The following EHD4 variants were observed in gnomAD, a reference collection of about 807,000 sequenced individuals.
The protein encoded by EHD4 is EH domain containing 4.
Under a neutral mutation model 51.0 loss-of-function variants are expected in EHD4, and 37 were observed. The observed-to-expected ratio is 0.73, with a 90% CI of 0.56 to 0.95. The LOEUF (loss-of-function observed/expected upper bound fraction) is 0.95. Among genes scored for constraint, EHD4 ranks in the 40% least tolerant of loss-of-function variants. The pLI is 0.00. For synonymous variants in EHD4, 297 were observed against 317.3 expected (o/e 0.94, Z 0.68); for missense variants, 632 against 733.1 (o/e 0.86, Z 1.59).
At position 41,930,343 on chromosome 15, in the gene EHD4, G is replaced by A. The variant is rs576859598; in HGVS notation, c.512-10721C>T. ...CATACAATATGTCTATAAATCAGACGGAGTTGGCGTGGCAAACATTACTTG... is the reference window on the plus strand; with the variant it reads ...CATACAATATGTCTATAAATCAGACAGAGTTGGCGTGGCAAACATTACTTG... On this transcript the variant is annotated intron_variant, in intron 3 of 5. Transcript: ENST00000220325. Among the ~76,000 whole-genome samples, 10 of 152,262 alleles carry A rather than the reference G, an allele frequency of 6.6e-5. No individual in the cohort carries two copies. In the East Asian group the frequency reaches 1.9e-3, roughly 29 times the overall value.
At chr15:41,916,402 C>T (rs549257077) in intron 4 of EHD4, among the ~76,000 whole-genome samples, 11 of 152,222 alleles carry the variant, frequency 7.2e-5, no homozygotes, top group African/African-American at 2.2e-4. Context: ...TCTGAGCTTC[C>T]GTTCCCTCAG....
In EHD4 at chr15:41,909,783, G is replaced by T. The variant is rs751481417; in HGVS notation, c.1005C>A (p.Ile335=). Residue 335 remains isoleucine, a synonymous_variant, in exon 5 of 6, where the codon ATC becomes ATA. Coordinates refer to ENST00000220325, the MANE Select transcript of EHD4 (RefSeq NM_139265.4). ...FGKENKKREL[I]SRLPEIYIQL... is the part of the protein sequence containing the mutation. The stretch of plus-strand genomic sequence containing the variant: ...GAATGTAGATTTCCGGTAGCCTGCT[G>T]ATAAGCTCTCTCTTCTTGTTTTCCT... 1.2e-6 allele frequency: 2 copies of T among 1,614,118 alleles called. No homozygotes were observed. Among genetic ancestry groups the T allele is most frequent in the Non-Finnish European group, 1.7e-6 (2 of 1,180,062 alleles).
intron 1 of EHD4, among the ~76,000 whole-genome samples, chr15:41,961,230 G>T (rs1204722756): frequency 6.6e-6 from 1 of 152,206 alleles, no homozygotes; most frequent in Admixed American, 6.5e-5. Context: ...AAAGCACACT[G>T]CTGTCTACCC....
chr15:41,915,172 T>C (rs561753915), intron 4 of EHD4, among the ~76,000 whole-genome samples: 92 of 152,262 alleles, frequency 6.0e-4, no homozygotes, highest in African/African-American at 2.1e-3. Flanking sequence ...TACATTCATA[T>C]ACATTTAAAA....
chr15:41,943,232 C>A, intron 2 of EHD4, 68 bp from the exon 3 acceptor site: 1 of 1,261,400 alleles, frequency 7.9e-7, no homozygotes, highest in Non-Finnish European at 1.1e-6. Flanking sequence ...CATGGGGCTT[C>A]TTGGCCTCTC....
intron 2 of EHD4, among the ~76,000 whole-genome samples, chr15:41,945,022 C>A (rs1395147075): frequency 6.6e-6 from 1 of 152,142 alleles, no homozygotes; most frequent in African/African-American, 2.4e-5. Context: ...TGCCATTATT[C>A]AATTCTCTAG....
chr15:41,924,092 T>C (rs2067645584), intron 3 of EHD4, among the ~76,000 whole-genome samples: 1 of 152,238 alleles, frequency 6.6e-6, no homozygotes. Context: ...ATTGAGACTT[T>C]GTTAACTTTC....
At chr15:41,948,315 C>G (rs1303469709) in intron 2 of EHD4, among the ~76,000 whole-genome samples, 1 of 151,890 alleles carries the variant, frequency 6.6e-6, no homozygotes, top group African/African-American at 2.4e-5. Context: ...CACCACAAAT[C>G]TTTTTTATTA....
At chr15:41,919,665 G>A in intron 3 of EHD4, 43 bp from the exon 4 acceptor site, 2 of 1,480,440 alleles carry the variant, frequency 1.4e-6, no homozygotes, top group Non-Finnish European at 1.8e-6. Flanking sequence ...ACTGCTGCAG[G>A]AGACACGTTT....
chr15:41,950,105 T>G (rs1253209404), intron 2 of EHD4, among the ~76,000 whole-genome samples: 1 of 152,240 alleles, frequency 6.6e-6, no homozygotes, highest in Non-Finnish European at 1.5e-5. Context: ...TGTTCTAAAC[T>G]CCTTTTATTG....
rs536151153 is a variant in EHD4, at chr15:41,950,269, C to T, written c.413+3495G>A. On this transcript the variant is annotated intron_variant, in intron 2 of 5. Coordinates refer to ENST00000220325, the MANE Select transcript of EHD4 (RefSeq NM_139265.4). ...TTGCTTAATGGTGGAGGGTGTTGTC[C>T]CCCTCCAGGTATCACCTGGTACTTA... Among the ~76,000 whole-genome samples, 3 of 152,298 alleles carry T rather than the reference C, an allele frequency of 2.0e-5. No homozygotes were observed. In the South Asian group the frequency reaches 6.2e-4, roughly 32 times the overall value.
chr15:41,951,937 AC>A, intron 2 of EHD4, among the ~76,000 whole-genome samples: 1 of 152,294 alleles, frequency 6.6e-6, no homozygotes, highest in Admixed American at 6.5e-5. Context: ...TGTTCCTATC[AC>A]CATCAGTAAT....
In EHD4 at chr15:41,919,266, G is replaced by C. The variant is rs376774893; in HGVS notation, c.868C>G (p.Gln290Glu). The change falls in exon 4 of 6, where the codon CAG becomes GAG. Residue 290 changes from glutamine to glutamate, a missense_variant. Gln to Glu is a conservative substitution (Grantham distance 29). Transcript: ENST00000220325. ...TTGAGCTTGCGCACCGCTGCCTTCTGGGGGAGGCTCTGGATGTCTCTAAAG... is the reference window on the plus strand; with the variant it reads ...TTGAGCTTGCGCACCGCTGCCTTCTCGGGGAGGCTCTGGATGTCTCTAAAG... ...DLFRDIQSLP[Q>E]KAAVRKLNDL... 8 of 1,614,098 alleles carry C rather than the reference G, an allele frequency of 5.0e-6. No homozygotes were observed. Among genetic ancestry groups the C allele is most frequent in the South Asian group, 3.3e-5 (3 of 91,082 alleles).
At chr15:41,926,647 G>GT (rs2067663717) in intron 3 of EHD4, among the ~76,000 whole-genome samples, 1 of 152,180 alleles carries the variant, frequency 6.6e-6, no homozygotes, top group Non-Finnish European at 1.5e-5. Context: ...CTCCAAAACT[G>GT]TGAGTGTCCC....
rs548302252 is a variant in EHD4 at position 41,960,045 on chromosome 15, A to T, written c.237-6105T>A. Among the ~76,000 whole-genome samples, 115 of 152,232 alleles carry T rather than the reference A, an allele frequency of 7.6e-4. 1 individual carries two copies. The highest frequency in any genetic ancestry group is 2.1e-3 in the Admixed American group (32 of 15,284). ...GGAAAAGTAAGTGGGAGAATCAAGC[A>T]TTTATTACTTCCAAAGTCTTACAAG... On this transcript the variant is annotated intron_variant, in intron 1 of 5. Coordinates refer to ENST00000220325, the MANE Select transcript of EHD4 (RefSeq NM_139265.4).
At chr15:41,972,192 C>T (rs929465796) in intron 1 of EHD4, 67 bp downstream of exon 1, 1 of 1,276,496 alleles carries the variant, frequency 7.8e-7, no homozygotes, top group Non-Finnish European at 9.9e-7. Flanking sequence ...CGGGAGGCGG[C>T]CGACTGCGGC....
At chr15:41,933,574 C>T (rs2140995123) in intron 3 of EHD4, among the ~76,000 whole-genome samples, 1 of 152,250 alleles carries the variant, frequency 6.6e-6, no homozygotes, top group South Asian at 2.1e-4. Context: ...CATGGATTGC[C>T]ACTGCCTCTC....
chr15:41,956,917 C>T (rs532495284), intron 1 of EHD4, among the ~76,000 whole-genome samples: 2 of 152,288 alleles, frequency 1.3e-5, no homozygotes, highest in South Asian at 4.1e-4. Context: ...TTTGAAAACT[C>T]GGAATCATCA....
intron 4 of EHD4, among the ~76,000 whole-genome samples, chr15:41,914,937 C>T (rs966912496): frequency 1.3e-5 from 2 of 152,084 alleles, no homozygotes; most frequent in African/African-American, 4.8e-5. Context: ...AGGCGCCCAC[C>T]TCCACGCCCA....
Sources: gnomAD v4.1 joint callset for allele counts (sites outside exome capture counted in the v4.1 genomes callset) on GRCh38, gnomAD v4.1.1 for gene constraint, MANE v1.5 for transcripts, NCBI Gene and HGNC (gene_info 2026-07-23, HGNC 2026-07-21) for gene names.